Variants in TRIM6 observed in about 807,000 individuals in gnomAD.
The protein encoded by TRIM6 is tripartite motif-containing protein 6.
TRIM6 carries 43 observed loss-of-function variants against 51.2 expected under a neutral mutation model. That is an observed-to-expected ratio of 0.84 (90% confidence interval 0.66 to 1.08). TRIM6 has a LOEUF of 1.08. Among genes scored for constraint, TRIM6 ranks in the 50% least tolerant of loss-of-function variants. The probability of loss-of-function intolerance (pLI) is 0.00; values close to 1 mark genes in which losing one functional copy is unlikely to be tolerated. For synonymous variants in TRIM6, 215 were observed against 232.4 expected, an observed-to-expected ratio of 0.93 and a Z score of 0.68; for missense variants, 669 against 619.0, an observed-to-expected ratio of 1.08 and a Z score of -0.86.
At chr11:5,608,918 T>C (rs1848396022) in intron 5 of TRIM6, among the ~76,000 whole-genome samples, 1 of 140,004 alleles carries the variant, frequency 7.1e-6, no homozygotes, top group South Asian at 2.5e-4. Flanking sequence ...TGGTGTGATC[T>C]CGGCTCACTG....
intron 4 of TRIM6, among the ~76,000 whole-genome samples, chr11:5,607,365 A>T (rs930315999): frequency 6.6e-6 from 1 of 152,204 alleles, no homozygotes; most frequent in Non-Finnish European, 1.5e-5. Flanking sequence ...ATTTACTGCA[A>T]ATTGACACAC....
chr11:5,604,776 C>A, intron 3 of TRIM6, 147 bp downstream of exon 3: 1 of 752,220 alleles, frequency 1.3e-6, no homozygotes, highest in Non-Finnish European at 2.0e-6. Context: ...TATATTCCTT[C>A]CAAACAGGGG....
chr11:5,597,650 C>T (rs1847554713), intron 1 of TRIM6, among the ~76,000 whole-genome samples: 1 of 152,140 alleles, frequency 6.6e-6, no homozygotes, highest in African/African-American at 2.4e-5. Flanking sequence ...GGTGGACGGG[C>T]CCGCTCTGTC....
intron 1 of TRIM6, among the ~76,000 whole-genome samples, chr11:5,602,937 G>A (rs923215112): frequency 5.3e-5 from 8 of 152,150 alleles, no homozygotes; most frequent in Non-Finnish European, 1.0e-4. Flanking sequence ...CTGGGTGACA[G>A]AGTGAGTCTC....
chr11:5,597,194 G>A (rs12800884), intron 1 of TRIM6, among the ~76,000 whole-genome samples: 76,031 of 151,634 alleles, frequency 0.5, 19,466 homozygotes, highest in Middle Eastern at 0.71. Flanking sequence ...CTGTTAACTT[G>A]ACTTCTTTGA....
chr11:5,599,505 G>A (rs7952456), intron 1 of TRIM6, among the ~76,000 whole-genome samples: 75,142 of 151,852 alleles, frequency 0.49, 19,030 homozygotes, highest in Middle Eastern at 0.71. Flanking sequence ...CCGGGTTCAC[G>A]CCATTCTCCT....
At chr11:5,610,355 C>G in intron 6 of TRIM6, 110 bp downstream of exon 6, 1 of 1,570,968 alleles carries the variant, frequency 6.4e-7, no homozygotes, top group South Asian at 1.1e-5. Flanking sequence ...AGAGGGAGGT[C>G]CCAGAGGGAG....
intron 4 of TRIM6, among the ~76,000 whole-genome samples, chr11:5,607,023 G>A (rs1848254581): frequency 6.6e-6 from 1 of 152,084 alleles, no homozygotes. Context: ...CTAACACGGT[G>A]AAACCCCGTC....
At chr11:5,610,590 T>G in intron 7 of TRIM6, 29 bp downstream of exon 7, 1 of 1,605,880 alleles carries the variant, frequency 6.2e-7, no homozygotes, top group Non-Finnish European at 8.5e-7. Context: ...CTCTTTGGGC[T>G]GGCACATTCT....
At position 5,605,264 on chromosome 11, in the gene TRIM6, C is replaced by T. The variant is rs1416708710; in HGVS notation, c.604-73C>T. On this transcript the variant is annotated intron_variant, in intron 3 of 7. Coordinates refer to ENST00000380097, the MANE Select transcript of TRIM6 (RefSeq NM_001003818.3). ...CCCAGGAAAGCAGTCCTGAGCCCAA[C>T]TTCCCCGCTTTTAATAGAGGAGACC... 3.7e-6 allele frequency: 6 copies of T among 1,604,930 alleles called. No homozygotes were observed. The Admixed American group carries it at 5.0e-5, about 13-fold the overall frequency.
At chr11:5,601,296 A>G (rs182566271) in intron 1 of TRIM6, among the ~76,000 whole-genome samples, 14 of 152,350 alleles carry the variant, frequency 9.2e-5, no homozygotes, top group South Asian at 2.1e-4. Context: ...GGTTATGCCA[A>G]TTCTACAACT....
intron 6 of TRIM6, 78 bp from the exon 7 acceptor site, chr11:5,610,457 C>G (rs2133866594): frequency 6.2e-7 from 1 of 1,610,226 alleles, no homozygotes; most frequent in South Asian, 1.1e-5. Flanking sequence ...CCATTCCCCT[C>G]AATGTAGTAA....
At chr11:5,597,529 T>C (rs74908789) in intron 1 of TRIM6, among the ~76,000 whole-genome samples, 2,633 of 152,228 alleles carry the variant, frequency 0.017, 72 homozygotes, top group African/African-American at 0.059. Context: ...AATATAACCC[T>C]ACACAAAGAT....
In TRIM6 at chr11:5,610,558, T is replaced by C; in HGVS notation, c.982T>C (p.Trp328Arg). 2 of 1,613,436 alleles carry C rather than the reference T, an allele frequency of 1.2e-6. No individual in the cohort carries two copies. Among genetic ancestry groups the C allele is most frequent in the Non-Finnish European group, 1.7e-6 (2 of 1,179,644 alleles). Residue 328 changes from tryptophan to arginine, a missense_variant, in exon 7 of 8, where the codon TGG becomes CGG. By Grantham distance (101) the Trp-to-Arg change is moderately radical (BLOSUM62 -3). Transcript: ENST00000380097. ...CRELTDVQSY[W>R]VDVTLNPHTA... is the part of the protein sequence containing the mutation. Reference sequence around the variant, plus strand: ...AGAGCTGACAGATGTCCAAAGCTACTGGGGTAAGTAGAAGCCATGGCCTCT... The same window carrying C: ...AGAGCTGACAGATGTCCAAAGCTACCGGGGTAAGTAGAAGCCATGGCCTCT...
chr11:5,603,207 T>A (rs1468371623), intron 1 of TRIM6, 39 bp from the exon 2 acceptor site: 1 of 1,590,672 alleles, frequency 6.3e-7, no homozygotes, highest in East Asian at 2.2e-5. Context: ...CTCCCTCCTT[T>A]CTTACCCTGA....
chr11:5,602,267 C>A (rs1847910493), intron 1 of TRIM6, among the ~76,000 whole-genome samples: 1 of 138,682 alleles, frequency 7.2e-6, no homozygotes, highest in South Asian at 2.2e-4. Context: ...AGTGAAACCT[C>A]ATCTCTACTA....
At chr11:5,598,687 A>T (rs756474195) in intron 1 of TRIM6, among the ~76,000 whole-genome samples, 1 of 152,240 alleles carries the variant, frequency 6.6e-6, no homozygotes, top group Non-Finnish European at 1.5e-5. Flanking sequence ...GAGTAGCCAC[A>T]CTTCAAATGC....
rs1290959134 is a variant in TRIM6, at chr11:5,612,206, A to G, written c.*864A>G. On this transcript the variant is annotated 3_prime_UTR_variant, in exon 8 of 8. Transcript: ENST00000380097. Reference sequence around the variant, plus strand: ...TTGGCCTGTATTTTTACATTCTTGTAATATCTTTGCCAGGTTCTATAAAAT... The same window carrying G: ...TTGGCCTGTATTTTTACATTCTTGTGATATCTTTGCCAGGTTCTATAAAAT... The G allele has an allele frequency of 6.6e-6, 1 of 152,202 alleles. No individual in the cohort carries two copies. The highest frequency in any genetic ancestry group is 6.5e-5 in the Admixed American group (1 of 15,272). The allele number at this position is 152,202 out of a possible 1,614,324, so 9.4% of individuals were successfully genotyped here. A position where few individuals can be genotyped will look rare whatever the true frequency, so the allele number is the denominator to read the frequency against.
chr11:5,606,671 T>G (rs1470807846), intron 4 of TRIM6, among the ~76,000 whole-genome samples: 1 of 152,204 alleles, frequency 6.6e-6, no homozygotes, highest in African/African-American at 2.4e-5. Flanking sequence ...CCCTGATACT[T>G]TCTCCTTCAC....
Sources: gnomAD v4.1 joint callset for allele counts (sites outside exome capture counted in the v4.1 genomes callset) on GRCh38, gnomAD v4.1.1 for gene constraint, MANE v1.5 for transcripts, NCBI Gene and HGNC (gene_info 2026-07-23, HGNC 2026-07-21) for gene names.